Variants in OR9Q1 observed in about 807,000 individuals in gnomAD.
OR9Q1 encodes the protein olfactory receptor 9Q1.
For missense variants in OR9Q1, 374 were observed against 378.8 expected, an observed-to-expected ratio of 0.99 and a Z score of 0.11; for synonymous variants, 153 against 148.6, an observed-to-expected ratio of 1.03 and a Z score of -0.22.
chr11:58,078,848 G>A (rs1035644219), intron 2 of OR9Q1, among the ~76,000 whole-genome samples: 2 of 152,170 alleles, frequency 1.3e-5, no homozygotes, highest in Non-Finnish European at 2.9e-5. Context: ...CCACCTGTTG[G>A]CTCATAACTG....
At chr11:58,030,853 G>C (rs1183395306) in intron 1 of OR9Q1, 4 of 735,156 alleles carry the variant, frequency 5.4e-6, no homozygotes, top group Non-Finnish European at 9.5e-6. Flanking sequence ...CTCTTCTGAA[G>C]TGAAAGGCAT....
At chr11:58,109,046 T>C (rs1324879003) in intron 2 of OR9Q1, 6 of 462,976 alleles carry the variant, frequency 1.3e-5, no homozygotes, top group Non-Finnish European at 2.2e-5. Context: ...GCTAGGAACA[T>C]GCATTTTGCA....
At chr11:58,127,375 G>C (rs1227400968) in intron 2 of OR9Q1, among the ~76,000 whole-genome samples, 1 of 152,204 alleles carries the variant, frequency 6.6e-6, no homozygotes, top group South Asian at 2.1e-4. Context: ...GGAGAAACCT[G>C]TAAGGGAGTG....
intron 2 of OR9Q1, among the ~76,000 whole-genome samples, chr11:58,173,471 A>C (rs977718643): frequency 6.6e-6 from 1 of 151,642 alleles, no homozygotes; most frequent in African/African-American, 2.4e-5. Context: ...TGAACTCATC[A>C]TTTTTTATGG....
At chr11:58,128,045 G>A (rs1264592819) in intron 2 of OR9Q1, among the ~76,000 whole-genome samples, 1 of 151,920 alleles carries the variant, frequency 6.6e-6, no homozygotes, top group Non-Finnish European at 1.5e-5. Context: ...AAGTATTCAT[G>A]GTTTTGTATG....
At chr11:58,038,006 C>T (rs1177736043) in intron 1 of OR9Q1, among the ~76,000 whole-genome samples, 1 of 106,674 alleles carries the variant, frequency 9.4e-6, no homozygotes, top group Admixed American at 1.1e-4. Flanking sequence ...GCTGGGATTA[C>T]AGGCATGAGC....
intron 2 of OR9Q1, chr11:58,119,392 A>G: frequency 1.2e-6 from 2 of 1,613,908 alleles, no homozygotes; most frequent in Admixed American, 1.7e-5. Flanking sequence ...GGGGTGGTCC[A>G]TAAAGCCCAT....
At chr11:58,053,295 G>T (rs112069828) in intron 1 of OR9Q1, among the ~76,000 whole-genome samples, 20,784 of 151,472 alleles carry the variant, frequency 0.14, 1,582 homozygotes, top group South Asian at 0.21. Flanking sequence ...CATGTACTTT[G>T]CAGGGACATG....
At chr11:58,114,079 G>C (rs1455555287) in intron 2 of OR9Q1, among the ~76,000 whole-genome samples, 1 of 152,120 alleles carries the variant, frequency 6.6e-6, no homozygotes, top group Non-Finnish European at 1.5e-5. Flanking sequence ...TTATGCATAT[G>C]CTAGAAACCC....
intron 2 of OR9Q1, among the ~76,000 whole-genome samples, chr11:58,154,611 A>G (rs1271569481): frequency 1.3e-5 from 2 of 152,202 alleles, no homozygotes; most frequent in Non-Finnish European, 2.9e-5. Context: ...GATCTGAAAC[A>G]TTCCCAACAC....
intron 2 of OR9Q1, among the ~76,000 whole-genome samples, chr11:58,172,409 G>T (rs529661470): frequency 1.3e-5 from 2 of 151,328 alleles, no homozygotes; most frequent in Admixed American, 1.3e-4. Context: ...GCAGAAGAAT[G>T]ATTAAATTTG....
intron 2 of OR9Q1, among the ~76,000 whole-genome samples, chr11:58,115,539 C>A (rs943093798): frequency 6.6e-6 from 1 of 152,124 alleles, no homozygotes; most frequent in Non-Finnish European, 1.5e-5. Context: ...AGGAAGGCTG[C>A]TTTAATGGTG....
chr11:58,074,820 A>T (rs988978363), intron 2 of OR9Q1, among the ~76,000 whole-genome samples: 1 of 152,204 alleles, frequency 6.6e-6, no homozygotes, highest in African/African-American at 2.4e-5. Flanking sequence ...AGTTTTCTGC[A>T]TATGGTTAAC....
At chr11:58,119,518 T>C in intron 2 of OR9Q1, 2 of 1,031,980 alleles carry the variant, frequency 1.9e-6, no homozygotes, top group Non-Finnish European at 2.9e-6. Context: ...GACAGAATCT[T>C]TCCCTCTATG....
intron 2 of OR9Q1, among the ~76,000 whole-genome samples, chr11:58,135,071 C>A (rs1440656997): frequency 6.6e-6 from 1 of 152,114 alleles, no homozygotes; most frequent in East Asian, 1.9e-4. Flanking sequence ...TGATGTCATA[C>A]CCATCTTATA....
intron 2 of OR9Q1, among the ~76,000 whole-genome samples, chr11:58,080,305 C>T (rs753673195): frequency 7.2e-5 from 11 of 152,016 alleles, no homozygotes; most frequent in East Asian, 5.8e-4. Flanking sequence ...ATCCATGTTG[C>T]GGCAAGGGAC....
chr11:58,155,616 C>T (rs1000991983), intron 2 of OR9Q1, among the ~76,000 whole-genome samples: 6 of 152,100 alleles, frequency 3.9e-5, no homozygotes, highest in African/African-American at 1.2e-4. Context: ...TCCAGTAGTA[C>T]GAACTGGGAA....
At chr11:58,129,986 A>G (rs1159509958) in intron 2 of OR9Q1, among the ~76,000 whole-genome samples, 1 of 152,040 alleles carries the variant, frequency 6.6e-6, no homozygotes, top group Non-Finnish European at 1.5e-5. Context: ...TTACATAGGT[A>G]TACCTGTGCC....
chr11:58,091,855 T>C (rs1051025928), intron 2 of OR9Q1, among the ~76,000 whole-genome samples: 1 of 152,218 alleles, frequency 6.6e-6, no homozygotes, highest in Admixed American at 6.5e-5. Context: ...TTTAGGATAG[T>C]TGCTCTTCTT....
Sources: allele counts gnomAD v4.1 joint callset (sites outside exome capture counted in the v4.1 genomes callset), GRCh38; gene constraint gnomAD v4.1.1; transcripts MANE v1.5; gene names NCBI Gene and HGNC (gene_info 2026-07-23, HGNC 2026-07-21).